Variants in EVC observed in about 807,000 individuals in gnomAD.
EVC encodes the protein evC complex member EVC.
A neutral mutation model predicts 118.9 loss-of-function variants in EVC; 116 were observed. The ratio of observed to expected loss-of-function variants is 0.98; its 90% CI spans 0.84 to 1.14. The LOEUF is 1.14. EVC is among the 50% of genes most tolerant of loss of function. EVC has a pLI of 0.00. For missense variants in EVC, 1,401 were observed against 1,246.4 expected, an observed-to-expected ratio of 1.12 and a Z score of -1.87; for synonymous variants, 619 against 534.7, an observed-to-expected ratio of 1.16 and a Z score of -2.18.
rs1280664058 is a variant in EVC at position 5,711,397 on chromosome 4, C to T, written c.17C>T (p.Ala6Val). The change falls in exon 1 of 21, where the codon GCG becomes GTG. Residue 6 changes from alanine to valine, a missense_variant. Transcript: ENST00000264956. ...GCGCCCCGGATGGCCCGCGGCGGGG[C>T]GGCCTGCAAGAGCGACGCGCGGCTG... MARGGAACKSDARLLL... is the reference protein window; with the variant it reads MARGGVACKSDARLLL... 3.9e-6 allele frequency: 4 copies of T among 1,014,328 alleles called. No individual in the cohort carries two copies. Among genetic ancestry groups the T allele is most frequent in the Non-Finnish European group, 4.7e-6 (4 of 851,624 alleles). The allele number at this position is 1,014,328 out of a possible 1,614,324, so 62.8% of individuals were successfully genotyped here. A position where few individuals can be genotyped will look rare whatever the true frequency, so the allele number is the denominator to read the frequency against.
intron 2 of EVC, among the ~76,000 whole-genome samples, chr4:5,726,568 C>CTTTTTTTTTTT (rs34483285): frequency 1.5e-5 from 2 of 134,510 alleles, no homozygotes; most frequent in Non-Finnish European, 3.1e-5. Flanking sequence ...CTTCTCTTTT[C>CTTTTTTTTTTT]TTTTTTTTTT....
intron 12 of EVC, among the ~76,000 whole-genome samples, chr4:5,787,810 A>C (rs1711984004): frequency 6.7e-6 from 1 of 149,736 alleles, no homozygotes; most frequent in Admixed American, 6.6e-5. Context: ...TCCCCACCTC[A>C]CTCTCCTCTC....
intron 11 of EVC, among the ~76,000 whole-genome samples, chr4:5,767,094 T>C (rs1339059556): frequency 2.7e-4 from 40 of 150,882 alleles, no homozygotes; most frequent in Middle Eastern, 3.4e-3. Flanking sequence ...GGATGTCCTT[T>C]CTGTTTGTTA....
rs1274270377 is a variant in EVC, at chr4:5,798,032, G to A, written c.2098-554G>A. 2.0e-5 allele frequency among the ~76,000 whole-genome samples: 3 copies of A among 152,320 alleles called. No homozygotes were observed. The East Asian group carries it at 5.8e-4, about 29-fold the overall frequency. On this transcript the variant is annotated intron_variant, in intron 14 of 20. Transcript: ENST00000264956. This position sits in a 1 kb window ranked among gnomAD's most constrained non-coding sequence, Gnocchi z 4.1. ...TCTTTGACCCATGAATGAGGCACAA[G>A]CCCACAGTCTCTTAAGCTCTATCCA...
In EVC at chr4:5,731,365, T is replaced by C; in HGVS notation, c.385-60T>C. On this transcript the variant is annotated intron_variant, in intron 3 of 20. Coordinates refer to ENST00000264956, the MANE Select transcript of EVC (RefSeq NM_153717.3). This position sits in a 1 kb window ranked among gnomAD's most constrained non-coding sequence, Gnocchi z 5.6. ...CGTGAATCACTGGTAGAATTATGAA[T>C]ACTAGATCAAATCCCAGAGGCATCA... is the stretch of plus-strand genomic sequence containing the variant. The C allele has an allele frequency of 7.5e-7, 1 of 1,335,138 alleles. No individual in the cohort carries two copies. Among genetic ancestry groups the C allele is most frequent in the Non-Finnish European group, 1.1e-6 (1 of 926,226 alleles). The allele number at this position is 1,335,138 out of a possible 1,614,324, so 82.7% of individuals were successfully genotyped here.
At position 5,729,400 on chromosome 4, in the gene EVC, C is replaced by T. The variant is rs112592757; in HGVS notation, c.384+10C>T. On this transcript the variant is annotated intron_variant, in intron 3 of 20. Transcript: ENST00000264956. ...CAATCAGAAGTTCCGGGTGAGAGTCCTGAGCTCCATCATAGAAAGCCAGTT... is the reference window on the plus strand; with the variant it reads ...CAATCAGAAGTTCCGGGTGAGAGTCTTGAGCTCCATCATAGAAAGCCAGTT... The T allele has an allele frequency of 6.2e-7, 1 of 1,613,316 alleles. No homozygotes were observed. The highest frequency in any genetic ancestry group is 8.5e-7 in the Non-Finnish European group (1 of 1,179,336).
intron 9 of EVC, among the ~76,000 whole-genome samples, chr4:5,753,410 G>A (rs373112138): frequency 7.2e-5 from 11 of 152,190 alleles, no homozygotes; most frequent in Non-Finnish European, 1.3e-4. Flanking sequence ...GGTCCCTGTC[G>A]CCCAGCGGCA....
At position 5,783,656 on chromosome 4, in the gene EVC, C is replaced by T. The variant is rs765269619; in HGVS notation, c.1668C>T (p.Tyr556=). 1 of 1,614,162 alleles carries T rather than the reference C, an allele frequency of 6.2e-7. No individual in the cohort carries two copies. Among genetic ancestry groups the T allele is most frequent in the Non-Finnish European group, 8.5e-7 (1 of 1,180,016 alleles). The change falls in exon 12 of 21, where the codon TAC becomes TAT. Residue 556 remains tyrosine (Y), a synonymous_variant. Coordinates refer to ENST00000264956, the MANE Select transcript of EVC (RefSeq NM_153717.3). ...MTGLPPEECD[Y]LRQEVQENAA... is the part of the protein sequence containing the mutation. Reference sequence around the variant, plus strand: ...GCCTCCCCCCGGAAGAGTGTGACTACTTGAGGCAGGAAGTCCAGGAGAACG... The same window carrying T: ...GCCTCCCCCCGGAAGAGTGTGACTATTTGAGGCAGGAAGTCCAGGAGAACG...
At position 5,811,559 on chromosome 4, in the gene EVC, A is replaced by G. The variant is rs191961421; in HGVS notation, c.*522A>G. 4 of 184,568 alleles carry G rather than the reference A, an allele frequency of 2.2e-5. No individual in the cohort carries two copies. The East Asian group carries it at 4.6e-4, about 21-fold the overall frequency. The allele number at this position is 184,568 out of a possible 1,614,324, so 11.4% of individuals were successfully genotyped here. ...GTAGACACCCTGCCCGTGCAGAGAG[A>G]TGTCATGGGGGCACCTGCTCTCCCT... On this transcript the variant is annotated 3_prime_UTR_variant, in exon 21 of 21. Transcript: ENST00000264956.
rs151292290 is a variant in EVC at position 5,719,186 on chromosome 4, A to G, written c.175-62A>G. On this transcript the variant is annotated intron_variant, in intron 1 of 20. Transcript: ENST00000264956. This position sits in a 1 kb window ranked among gnomAD's most constrained non-coding sequence, Gnocchi z 4.7. The stretch of plus-strand genomic sequence containing the variant: ...ACTGGCAAAAGTCACGGTGGGGACC[A>G]GGCCGACTGACCTCAATGTTGTGTT... 4.7e-4 allele frequency: 751 copies of G among 1,611,224 alleles called. 4 individuals are homozygous for G. In the African/African-American group the frequency reaches 7.4e-3, roughly 16 times the overall value.
At chr4:5,717,015 T>A (rs1268017316) in intron 1 of EVC, among the ~76,000 whole-genome samples, 2 of 151,060 alleles carry the variant, frequency 1.3e-5, no homozygotes, top group East Asian at 3.9e-4. Flanking sequence ...ATTTGGAACG[T>A]CCTTTTGATC....
Position 5,738,159 on chromosome 4 carries a change from A to G in EVC, c.703-3557A>G, listed in dbSNP as rs1727979850. Among the ~76,000 whole-genome samples the G allele has an allele frequency of 6.6e-6, 1 of 152,216 alleles. No homozygotes were observed. Among genetic ancestry groups the G allele is most frequent in the Non-Finnish European group, 1.5e-5 (1 of 68,044 alleles). On this transcript the variant is annotated intron_variant, in intron 5 of 20. Transcript: ENST00000264956. This position sits in a 1 kb window ranked among gnomAD's most constrained non-coding sequence, Gnocchi z 6.5. ...GAAATGTGGAAATAGCAAGAAAACT[A>G]GGATTAGAATTGGAGCCTGAAGATG...
chr4:5,824,938 C>T, the EVC span: 14 of 985,428 alleles, frequency 1.4e-5, no homozygotes, highest in Non-Finnish European at 1.7e-5. Flanking sequence ...TTTGTTCCCA[C>T]ACATTTGTTG....
intron 11 of EVC, among the ~76,000 whole-genome samples, chr4:5,777,733 G>C (rs1180088333): frequency 1.3e-5 from 2 of 152,162 alleles, no homozygotes; most frequent in African/African-American, 4.8e-5. Context: ...GGTTCCATAT[G>C]CCCTTGTCAT....
chr4:5,774,102 G>C (rs781528898), intron 11 of EVC, among the ~76,000 whole-genome samples: 2 of 151,730 alleles, frequency 1.3e-5, no homozygotes, highest in East Asian at 2.0e-4. Context: ...TGGGTCCTTC[G>C]TATGGTGTTG....
intron 5 of EVC, among the ~76,000 whole-genome samples, chr4:5,739,146 A>G (rs939109609): frequency 6.6e-6 from 1 of 152,192 alleles, no homozygotes; most frequent in East Asian, 1.9e-4. Flanking sequence ...ATTTGAATCT[A>G]TAACTATCTC....
At chr4:5,724,170 C>T (rs559258560) in intron 2 of EVC, among the ~76,000 whole-genome samples, 1 of 152,300 alleles carries the variant, frequency 6.6e-6, no homozygotes, top group South Asian at 2.1e-4. Flanking sequence ...GGCAAACATG[C>T]ATAAGGTGGC....
intron 12 of EVC, 25 bp downstream of exon 12, chr4:5,783,789 G>A (rs373876328): frequency 1.9e-6 from 3 of 1,578,064 alleles, no homozygotes; most frequent in Non-Finnish European, 2.6e-6. Context: ...GAACCCAGGG[G>A]CTGGGGTCTG....
intron 13 of EVC, among the ~76,000 whole-genome samples, chr4:5,795,745 A>T (rs1337824891): frequency 6.6e-6 from 1 of 152,226 alleles, no homozygotes; most frequent in Non-Finnish European, 1.5e-5. Flanking sequence ...ACAGAGAGCG[A>T]TTGGGGAATT....
Sources: gnomAD v4.1 joint callset for allele counts (sites outside exome capture counted in the v4.1 genomes callset) on GRCh38, gnomAD v4.1.1 for gene constraint, Gnocchi (gnomAD v3.1) non-coding constraint, MANE v1.5 for transcripts, NCBI Gene and HGNC (gene_info 2026-07-23, HGNC 2026-07-21) for gene names.